Variants in GIN1 observed in about 807,000 individuals in gnomAD.
The protein encoded by GIN1 is gypsy retrotransposon integrase 1, also known as gypsy retrotransposon integrase-like protein 1.
Under a neutral mutation model 51.4 loss-of-function variants are expected in GIN1, and 41 were observed. The observed-to-expected ratio is 0.80, with a 90% CI of 0.62 to 1.04. The LOEUF (loss-of-function observed/expected upper bound fraction) is 1.04, where lower values mean the gene tolerates loss of function less well. Among genes scored for constraint, GIN1 ranks in the 50% least tolerant of loss-of-function variants. The pLI, the probability that GIN1 is intolerant of heterozygous loss-of-function variation, is 0.00. For synonymous variants in GIN1, 222 were observed against 206.5 expected (o/e 1.07, Z -0.64); for missense variants, 610 against 612.4 (o/e 1.00, Z 0.04).
At chr5:103,101,804 G>A (rs764898115) in intron 4 of GIN1, among the ~76,000 whole-genome samples, 7 of 152,264 alleles carry the variant, frequency 4.6e-5, no homozygotes, top group Non-Finnish European at 7.4e-5. Flanking sequence ...ATTATCAATC[G>A]TATACATTAT....
chr5:103,106,819 C>T lies in GIN1; in HGVS notation c.230G>A (p.Cys77Tyr). 3.7e-6 allele frequency: 6 copies of T among 1,601,796 alleles called. No individual in the cohort carries two copies. Among genetic ancestry groups the T allele is most frequent in the Non-Finnish European group, 4.3e-6 (5 of 1,171,166 alleles). The change falls in exon 3 of 8, where the codon TGC becomes TAC. Residue 77 changes from cysteine to tyrosine, a missense_variant. By Grantham distance (194) the Cys-to-Tyr change is radical. Coordinates refer to ENST00000399004, the MANE Select transcript of GIN1 (RefSeq NM_017676.2). ...EEEKKKVLRE[C>Y]HENDSGAHHG... ...ATGAGCTCCACTGTCATTTTCATGG[C>T]ATTCTCTTAAGACTTTCTTTTTTTC... is the stretch of plus-strand genomic sequence containing the variant.
In GIN1 at chr5:103,086,292, A is replaced by C. The variant is rs1787073972; in HGVS notation, c.*1606T>G. 6.6e-6 allele frequency: 1 copy of C among 152,204 alleles called. No individual in the cohort carries two copies. Among genetic ancestry groups the C allele is most frequent in the African/African-American group, 2.4e-5 (1 of 41,442 alleles). The allele number at this position is 152,204 out of a possible 1,614,324, so 9.4% of individuals were successfully genotyped here. On this transcript the variant is annotated 3_prime_UTR_variant, in exon 8 of 8. Transcript: ENST00000399004. Reference sequence around the variant, plus strand: ...GCCCACCCTATTGAAATATGATCTCAACTAATTACACTTGCAACAACCTCA... The same window carrying C: ...GCCCACCCTATTGAAATATGATCTCCACTAATTACACTTGCAACAACCTCA...
chr5:103,116,062 C>A (rs187459068), intron 1 of GIN1, among the ~76,000 whole-genome samples: 7 of 152,184 alleles, frequency 4.6e-5, no homozygotes, highest in Admixed American at 1.3e-4. Flanking sequence ...CCAATTTTCT[C>A]CAAATTGATC....
intron 7 of GIN1, among the ~76,000 whole-genome samples, chr5:103,093,366 T>C (rs782610342): frequency 5.3e-5 from 8 of 152,206 alleles, no homozygotes; most frequent in Non-Finnish European, 2.9e-5. Context: ...CCCACTATTG[T>C]TGGCTTTGAA....
chr5:103,098,765 T>C (rs1445694863), intron 4 of GIN1, among the ~76,000 whole-genome samples: 2 of 152,170 alleles, frequency 1.3e-5, no homozygotes, highest in Non-Finnish European at 2.9e-5. Flanking sequence ...GGCCCTCAAG[T>C]AACTTTTTAA....
rs1338171238 is a variant in GIN1 at position 103,095,062 on chromosome 5, G to GTA, written c.1294+1478_1294+1479insTA. Among the ~76,000 whole-genome samples the GTA allele has an allele frequency of 8.5e-5, 13 of 152,302 alleles. No homozygotes were observed. The East Asian group carries it at 2.3e-3, about 27-fold the overall frequency. ...GCTTTAGAACTCAAGAAAAGGCATA[G>GTA]GGTAAGTGTAGGTTATTTGTTGTTG... On this transcript the variant is annotated intron_variant, in intron 7 of 7. Transcript: ENST00000399004.
At chr5:103,092,006 T>C (rs2151461844) in intron 7 of GIN1, among the ~76,000 whole-genome samples, 1 of 150,650 alleles carries the variant, frequency 6.6e-6, no homozygotes, top group Non-Finnish European at 1.5e-5. Flanking sequence ...GCCTGTGTGA[T>C]AATAGTTGAA....
At position 103,086,421 on chromosome 5, in the gene GIN1, A is replaced by G. The variant is rs1219693831; in HGVS notation, c.*1477T>C. 1 of 152,144 alleles carries G rather than the reference A, an allele frequency of 6.6e-6. No homozygotes were observed. Among genetic ancestry groups the G allele is most frequent in the African/African-American group, 2.4e-5 (1 of 41,428 alleles). 9.4% of individuals were successfully genotyped at this position (152,144 alleles called of 1,614,324 possible). On this transcript the variant is annotated 3_prime_UTR_variant, in exon 8 of 8. Transcript: ENST00000399004. ...TTAATAGTATTCAAAGCTCTCCATA[A>G]GGTTTCCTACTTACCTTTTCAGCTT...
At chr5:103,089,275 TA>T (rs1273615924) in intron 7 of GIN1, among the ~76,000 whole-genome samples, 2 of 152,210 alleles carry the variant, frequency 1.3e-5, no homozygotes, top group Non-Finnish European at 2.9e-5. Context: ...CTAATATGTA[TA>T]AAAGGATTCC....
In GIN1 at chr5:103,106,868, G is replaced by C. The variant is rs782667095; in HGVS notation, c.181C>G (p.Arg61Gly). 1 of 1,586,004 alleles carries C rather than the reference G, an allele frequency of 6.3e-7. No homozygotes were observed. The highest frequency in any genetic ancestry group is 1.8e-5 in the Admixed American group (1 of 54,688). ...FYVGKDRKQN[R>G]LVIVSEEEKK... ...TCCTCTTCTGAAACAATTACCAAAC[G>C]ATTTTGTTTTCTGTCTTTTCCAACA... The change falls in exon 3 of 8, where the codon CGT (arginine) becomes GGT (glycine). Residue 61 changes from arginine to glycine, a missense_variant. Coordinates refer to ENST00000399004, the MANE Select transcript of GIN1 (RefSeq NM_017676.2).
At chr5:103,093,155 C>T (rs978370475) in intron 7 of GIN1, among the ~76,000 whole-genome samples, 1 of 152,048 alleles carries the variant, frequency 6.6e-6, no homozygotes, top group African/African-American at 2.4e-5. Context: ...CAACATACTA[C>T]TCCTTGGATC....
intron 7 of GIN1, among the ~76,000 whole-genome samples, chr5:103,092,955 A>G (rs1554194693): frequency 7.1e-6 from 1 of 141,408 alleles, no homozygotes; most frequent in African/African-American, 2.5e-5. Flanking sequence ...CAAAAAAAAA[A>G]AAAAAAAAAA....
chr5:103,094,289 A>C (rs1554194800), intron 7 of GIN1, among the ~76,000 whole-genome samples: 1 of 152,180 alleles, frequency 6.6e-6, no homozygotes, highest in Non-Finnish European at 1.5e-5. Flanking sequence ...AAAATGTAAA[A>C]AAAGGATCAA....
chr5:103,102,787 G>GA (rs1264969101), intron 4 of GIN1: 8 of 152,202 alleles, frequency 5.3e-5, no homozygotes, highest in Non-Finnish European at 1.5e-5. Context: ...GGCTAAGGTG[G>GA]GGGTATCACT....
Position 103,087,942 on chromosome 5 carries a change from T to C in GIN1, c.1525A>G (p.Ser509Gly). 1 of 1,594,070 alleles carries C rather than the reference T, an allele frequency of 6.3e-7. No individual in the cohort carries two copies. The change falls in exon 8 of 8, where the codon AGT becomes GGT. Residue 509 changes from serine (S) to glycine (G), a missense_variant. By Grantham distance (56) the Ser-to-Gly change is moderately conservative (BLOSUM62 0). Transcript: ENST00000399004. ...ACCTGGTTTGAAGAGTCCAACAGAC[T>C]GAAAGTCTGCTTTTCAAGAGAACTA... ...DHSSLEKQTF[S>G]LLDSSNQVLE...
chr5:103,108,216 AT>A (rs1463004128), intron 2 of GIN1, among the ~76,000 whole-genome samples: 5 of 152,040 alleles, frequency 3.3e-5, no homozygotes, highest in African/African-American at 1.2e-4. Context: ...CTTTGTCAAC[AT>A]TTTCATATTA....
chr5:103,106,933 T>A (rs190904619), intron 2 of GIN1, 24 bp from the exon 3 acceptor site: 1 of 1,299,284 alleles, frequency 7.7e-7, no homozygotes, highest in African/African-American at 1.5e-5. Context: ...TACCAAAAGA[T>A]AGAATTGCAA....
intron 4 of GIN1, among the ~76,000 whole-genome samples, chr5:103,100,619 G>C (rs1314015706): frequency 6.7e-6 from 1 of 148,150 alleles, no homozygotes; most frequent in Non-Finnish European, 1.5e-5. Flanking sequence ...GGCTGGTCTT[G>C]AACTCCTGGT....
At chr5:103,102,294 T>A (rs1787596780) in intron 4 of GIN1, 1 of 152,216 alleles carries the variant, frequency 6.6e-6, no homozygotes, top group African/African-American at 2.4e-5. Flanking sequence ...TAGACACATT[T>A]GTGACACTAG....
Sources: allele counts gnomAD v4.1 joint callset (sites outside exome capture counted in the v4.1 genomes callset), GRCh38; gene constraint gnomAD v4.1.1; transcripts MANE v1.5; gene names NCBI Gene and HGNC (gene_info 2026-07-23, HGNC 2026-07-21).